MYH15: variants seen among roughly 807,000 people sequenced by gnomAD.
MYH15 encodes myosin-15.
Under a neutral mutation model 240.5 loss-of-function variants are expected in MYH15, and 227 were observed. The observed-to-expected ratio is 0.94, with a 90% CI of 0.85 to 1.05. The LOEUF is 1.05. Ranked by LOEUF, MYH15 falls within the 50% of genes least tolerant of loss-of-function variation. MYH15 has a pLI of 0.00. For missense variants in MYH15, 2,217 were observed against 2,247.5 expected (o/e 0.99, Z 0.27); for synonymous variants, 785 against 796.7 (o/e 0.99, Z 0.25).
intron 8 of MYH15, 101 bp downstream of exon 8, chr3:108,493,013 G>C (rs1455283593): frequency 2.8e-6 from 2 of 710,148 alleles, no homozygotes; most frequent in South Asian, 4.0e-5. Context: ...AGGAAAGAAA[G>C]AAAGAAGAAA....
chr3:108,497,913 A>T (rs886448848), intron 6 of MYH15, 139 bp downstream of exon 6: 5 of 640,372 alleles, frequency 7.8e-6, no homozygotes, highest in African/African-American at 1.9e-5. Context: ...GGAAATATTT[A>T]AAAAAATACT....
At chr3:108,515,001 T>C (rs536455925), upstream of MYH15, among the ~76,000 whole-genome samples, 1 of 152,304 alleles carries the variant, frequency 6.6e-6, no homozygotes, top group South Asian at 2.1e-4. Flanking sequence ...AATTGTATAA[T>C]TACCAGTTCT....
At chr3:108,403,334 T>G (rs1047484645) in intron 33 of MYH15, among the ~76,000 whole-genome samples, 6 of 148,560 alleles carry the variant, frequency 4.0e-5, no homozygotes, top group Non-Finnish European at 7.6e-5. Flanking sequence ...CCCTTTAACT[T>G]ACTTACCAGG....
intron 1 of MYH15, among the ~76,000 whole-genome samples, chr3:108,508,961 G>A (rs554507519): frequency 2.0e-5 from 3 of 152,134 alleles, no homozygotes; most frequent in East Asian, 1.9e-4. Flanking sequence ...AAGGCAGACC[G>A]GACAAGTATT....
At chr3:108,416,024 G>A (rs2082630363) in intron 29 of MYH15, among the ~76,000 whole-genome samples, 1 of 152,132 alleles carries the variant, frequency 6.6e-6, no homozygotes, top group Non-Finnish European at 1.5e-5. Context: ...TCATATATAA[G>A]GATGCAATTC....
the MYH15 span, among the ~76,000 whole-genome samples, chr3:108,547,119 C>T: frequency 1.3e-5 from 2 of 151,904 alleles, no homozygotes; most frequent in Non-Finnish European, 2.9e-5. Flanking sequence ...GCGGTGCAAT[C>T]ACAGCTCACT....
chr3:108,407,512 G>A (rs1444396806), intron 32 of MYH15, among the ~76,000 whole-genome samples: 1 of 152,074 alleles, frequency 6.6e-6, no homozygotes, highest in African/African-American at 2.4e-5. Context: ...CTTCTTTGGC[G>A]AAATGTCTTC....
At chr3:108,418,074 G>A (rs1400502912) in intron 28 of MYH15, among the ~76,000 whole-genome samples, 1 of 152,064 alleles carries the variant, frequency 6.6e-6, no homozygotes, top group Admixed American at 6.6e-5. Flanking sequence ...TGCTTTCCTT[G>A]AAGTGACAGG....
the MYH15 span, among the ~76,000 whole-genome samples, chr3:108,545,446 A>C: frequency 6.6e-6 from 1 of 152,152 alleles, no homozygotes; most frequent in Non-Finnish European, 1.5e-5. Flanking sequence ...ATCTACTAAA[A>C]GCCATGAGCT....
chr3:108,473,461 C>A (rs1229798671), intron 12 of MYH15, among the ~76,000 whole-genome samples: 1 of 152,194 alleles, frequency 6.6e-6, no homozygotes, highest in Non-Finnish European at 1.5e-5. Flanking sequence ...AATGTTAATC[C>A]TCCCTTTTCC....
chr3:108,463,226 A>G lies in MYH15; in HGVS notation c.1749T>C (p.Ser583=). 3.1e-6 allele frequency: 5 copies of G among 1,611,150 alleles called. No individual in the cohort carries two copies. The highest frequency in any genetic ancestry group is 4.2e-6 in the Non-Finnish European group (5 of 1,179,122). Reference sequence around the variant, plus strand: ...GGTCTTTGTTCTTTTCCAGCCAACCACTGATATTATAAGGTACCTTTGGAA... The same window carrying G: ...GGTCTTTGTTCTTTTCCAGCCAACCGCTGATATTATAAGGTACCTTTGGAA... ...HYAGVVPYNI[S]GWLEKNKDLL... The change falls in exon 16 of 41, where the codon AGT becomes AGC. Residue 583 remains serine, a synonymous_variant. Transcript: ENST00000693548.
Position 108,441,154 on chromosome 3 carries a change from T to A in MYH15, c.2762A>T (p.Glu921Val). The A allele has an allele frequency of 6.2e-7, 1 of 1,614,146 alleles. No homozygotes were observed. The highest frequency in any genetic ancestry group is 8.5e-7 in the Non-Finnish European group (1 of 1,180,006). Residue 921 changes from glutamate to valine, a missense_variant, in exon 23 of 41, where the codon GAA becomes GTA. Physicochemically the swap from Glu to Val is moderately radical, Grantham distance 121 (BLOSUM62 -2). Coordinates refer to ENST00000693548, the MANE Select transcript of MYH15 (RefSeq NM_014981.3). ...VKELSERVEE[E>V]EEINSELTAR... Reference sequence around the variant, plus strand: ...AGTCAGCTCAGAATTTATCTCCTCTTCTTCCTCCACCCTCTCCGACAGCTC... The same window carrying A: ...AGTCAGCTCAGAATTTATCTCCTCTACTTCCTCCACCCTCTCCGACAGCTC...
At chr3:108,439,385 A>C (rs557479002) in intron 24 of MYH15, among the ~76,000 whole-genome samples, 1 of 152,342 alleles carries the variant, frequency 6.6e-6, no homozygotes, top group African/African-American at 2.4e-5. Flanking sequence ...ACTAGTGGTA[A>C]ATAGAGTACC....
At chr3:108,423,448 A>C (rs2082700534) in intron 27 of MYH15, among the ~76,000 whole-genome samples, 3 of 152,258 alleles carry the variant, frequency 2.0e-5, no homozygotes, top group African/African-American at 7.2e-5. Context: ...CATCAACCTC[A>C]CATAGGTTAG....
rs1438466985 is a variant in MYH15, at chr3:108,384,555, CTGAGGA to C, written c.5631+126_5631+131del. On this transcript the variant is annotated intron_variant, in intron 39 of 40. Transcript: ENST00000693548. ...GAGAATTCTAACTTGAGAAAAAAAA[CTGAGGA>C]TGAGCAGACTCTAAGCTGAGCAGGT... 1.3e-5 allele frequency: 10 copies of C among 748,802 alleles called. No individual in the cohort carries two copies. In the African/African-American group the frequency reaches 1.6e-4, roughly 12 times the overall value. The allele number at this position is 748,802 out of a possible 1,614,324, so 46.4% of individuals were successfully genotyped here. A position where few individuals can be genotyped will look rare whatever the true frequency, so the allele number is the denominator to read the frequency against.
intron 31 of MYH15, among the ~76,000 whole-genome samples, chr3:108,409,614 C>T (rs551423566): frequency 6.6e-5 from 10 of 152,168 alleles, no homozygotes; most frequent in Non-Finnish European, 1.3e-4. Flanking sequence ...GCTTCATTTA[C>T]GCCTCCAACA....
At chr3:108,492,209 C>CACACAT (rs2083353970) in intron 9 of MYH15, among the ~76,000 whole-genome samples, 1 of 137,500 alleles carries the variant, frequency 7.3e-6, no homozygotes, top group African/African-American at 2.6e-5. Flanking sequence ...TATACACACA[C>CACACAT]ACACACACAC....
At chr3:108,402,572 A>G (rs1456091626) in intron 33 of MYH15, among the ~76,000 whole-genome samples, 1 of 152,250 alleles carries the variant, frequency 6.6e-6, no homozygotes, top group East Asian at 1.9e-4. Context: ...CTGACCCTTT[A>G]GAGAAAAAGC....
At position 108,428,486 on chromosome 3, in the gene MYH15, A is replaced by C. The variant is rs113330737; in HGVS notation, c.3702+6T>G. The C allele has an allele frequency of 6.2e-7, 1 of 1,601,552 alleles. No homozygotes were observed. The highest frequency in any genetic ancestry group is 1.3e-5 in the African/African-American group (1 of 74,522). ...AAGACCACGAGGATGGCATGGGAGT[A>C]TCTACCTTAGCTCTTGTCATCTGCT... is the stretch of plus-strand genomic sequence containing the variant. On this transcript the variant is annotated splice_donor_region_variant and intron_variant, in intron 27 of 40. Coordinates refer to ENST00000693548, the MANE Select transcript of MYH15 (RefSeq NM_014981.3).
Sources: allele counts gnomAD v4.1 joint callset (sites outside exome capture counted in the v4.1 genomes callset), GRCh38; gene constraint gnomAD v4.1.1; transcripts MANE v1.5; gene names NCBI Gene and HGNC (gene_info 2026-07-23, HGNC 2026-07-21).